Variants in HMCN1 observed in about 807,000 individuals in gnomAD.
The protein encoded by HMCN1 is hemicentin-1.
Under a neutral mutation model 625.9 loss-of-function variants are expected in HMCN1, and 321 were observed. That is an observed-to-expected ratio of 0.51 (90% CI 0.47 to 0.56). HMCN1 has a LOEUF of 0.56. Among genes scored for constraint, HMCN1 ranks in the 20% least tolerant of loss-of-function variants. The pLI is 0.00. For synonymous variants in HMCN1, 2,425 were observed against 2,417.6 expected (o/e 1.00, Z -0.09); for missense variants, 6,588 against 6,887.3 (o/e 0.96, Z 1.54).
chr1:185,894,982 C>G (rs891212132), intron 4 of HMCN1, among the ~76,000 whole-genome samples: 2 of 151,856 alleles, frequency 1.3e-5, no homozygotes, highest in African/African-American at 4.9e-5. Context: ...TATTTAGTCT[C>G]TAGAGTTATC....
chr1:185,749,955 A>T (rs1338456379), intron 1 of HMCN1, among the ~76,000 whole-genome samples: 1 of 152,162 alleles, frequency 6.6e-6, no homozygotes, highest in East Asian at 1.9e-4. Flanking sequence ...ACATCATTTC[A>T]TATGGCTCTT....
At chr1:185,951,257 G>A (rs370579905) in intron 11 of HMCN1, among the ~76,000 whole-genome samples, 4,824 of 131,446 alleles carry the variant, frequency 0.037, 97 homozygotes, top group African/African-American at 0.13. Context: ...ATTTAGTTAA[G>A]GTGTCTCAGC....
chr1:185,755,628 C>A (rs2102106209), intron 1 of HMCN1, among the ~76,000 whole-genome samples: 1 of 152,276 alleles, frequency 6.6e-6, no homozygotes, highest in Middle Eastern at 3.4e-3. Flanking sequence ...AGTATCACTC[C>A]ATCAGCTAAC....
chr1:186,024,350 A>T (rs1393173101), intron 36 of HMCN1, among the ~76,000 whole-genome samples: 1 of 152,164 alleles, frequency 6.6e-6, no homozygotes, highest in African/African-American at 2.4e-5. Flanking sequence ...TGTCTCCAGC[A>T]TCTGCTTAGA....
Position 185,928,661 on chromosome 1 carries a change from G to A in HMCN1, c.1546G>A (p.Val516Ile), listed in dbSNP as rs199966462. The change falls in exon 10 of 107, where the codon GTA becomes ATA. Residue 516 changes from valine to isoleucine, a missense_variant. Physicochemically the swap from Val to Ile is conservative, Grantham distance 29. Transcript: ENST00000271588. ...TGGACGGGCACAGACATTTTTTGAC[G>A]TATCAGGTAATTACCACTAATTTCT... ...GTGRAQTFFD[V>I]SEPPPVIQVP... 295 of 1,613,140 alleles carry A rather than the reference G, an allele frequency of 1.8e-4. 1 individual carries two copies. The highest frequency in any genetic ancestry group is 7.4e-4 in the East Asian group (33 of 44,846).
chr1:186,115,490 G>T, intron 75 of HMCN1, 76 bp downstream of exon 75: 1 of 1,357,650 alleles, frequency 7.4e-7, no homozygotes, highest in Non-Finnish European at 1.0e-6. Flanking sequence ...TCTATCAGTG[G>T]GGTCAGCAAA....
rs1008126098 is a variant in HMCN1, at chr1:186,117,135, T to C, written c.11683+20T>C. 1.9e-6 allele frequency: 3 copies of C among 1,612,550 alleles called. No individual in the cohort carries two copies. The highest frequency in any genetic ancestry group is 1.7e-6 in the Non-Finnish European group (2 of 1,179,156). ...TCCAAGGTAGAATTGGCTTGGAACA[T>C]GGATTGAAACATGATAATGCTATCA... On this transcript the variant is annotated intron_variant, in intron 76 of 106. Coordinates refer to ENST00000271588, the MANE Select transcript of HMCN1 (RefSeq NM_031935.3).
chr1:186,036,586 G>A (rs923507090), intron 36 of HMCN1, among the ~76,000 whole-genome samples: 1 of 151,684 alleles, frequency 6.6e-6, no homozygotes, highest in African/African-American at 2.4e-5. Flanking sequence ...ACCCATACAA[G>A]TATTTTTTCT....
chr1:186,117,682 C>G, intron 77 of HMCN1, 59 bp downstream of exon 77: 1 of 1,477,366 alleles, frequency 6.8e-7, no homozygotes, highest in Non-Finnish European at 9.5e-7. Context: ...GATGCATATT[C>G]TTACCTGGCC....
rs191297963 is a variant in HMCN1, at chr1:185,811,008, C to T, written c.269-35018C>T. 3.3e-5 allele frequency among the ~76,000 whole-genome samples: 5 copies of T among 152,234 alleles called. No individual in the cohort carries two copies. The East Asian group carries it at 9.7e-4, about 29-fold the overall frequency. On this transcript the variant is annotated intron_variant, in intron 1 of 106. Transcript: ENST00000271588. ...AAAAAACAAACCCATCCCACACCCC[C>T]AATCTCTCAAACAAGTTAAGTTTGC...
chr1:186,146,133 A>C (rs1650304455), intron 93 of HMCN1, among the ~76,000 whole-genome samples: 1 of 152,068 alleles, frequency 6.6e-6, no homozygotes, highest in Non-Finnish European at 1.5e-5. Flanking sequence ...TTCCTGGTAA[A>C]AGGATATAGT....
rs146365142 is a variant in HMCN1 at position 186,015,175 on chromosome 1, A to G, written c.4647A>G (p.Lys1549=). ...CCTTTGTAGTTCCACCTAGTATTAA[A>G]GGAGGAAATGTCACCACAGACATAT... The part of the protein sequence containing the change: ...KLTIYIPPSI[K]GGNVTTDISV... Residue 1549 remains lysine (K), a synonymous_variant, in exon 31 of 107, where the codon AAA becomes AAG. Transcript: ENST00000271588. 8.1e-6 allele frequency: 13 copies of G among 1,613,454 alleles called. No individual in the cohort carries two copies. The highest frequency in any genetic ancestry group is 1.1e-5 in the Non-Finnish European group (13 of 1,179,604).
In HMCN1 at chr1:186,117,592, C is replaced by T; in HGVS notation, c.11817C>T (p.Pro3939=). ...HWTKNGIRLL[P]RGDGYRILSS... is the part of the protein sequence containing the mutation. ...CCAAAAATGGTATAAGACTGCTTCCCAGGGGAGATGGCTATAGAATTCTGT... is the reference window on the plus strand; with the variant it reads ...CCAAAAATGGTATAAGACTGCTTCCTAGGGGAGATGGCTATAGAATTCTGT... Residue 3939 remains proline, a synonymous_variant, in exon 77 of 107, where the codon CCC becomes CCT. Coordinates refer to ENST00000271588, the MANE Select transcript of HMCN1 (RefSeq NM_031935.3). The T allele has an allele frequency of 6.2e-7, 1 of 1,613,794 alleles. No homozygotes were observed. The highest frequency in any genetic ancestry group is 8.5e-7 in the Non-Finnish European group (1 of 1,179,802).
chr1:185,776,329 C>T (rs945790222), intron 1 of HMCN1, among the ~76,000 whole-genome samples: 18 of 152,022 alleles, frequency 1.2e-4, no homozygotes, highest in Non-Finnish European at 2.4e-4. Context: ...GCTATCTTCA[C>T]TCCTTGCGTG....
intron 22 of HMCN1, among the ~76,000 whole-genome samples, chr1:185,992,724 T>C (rs1283897924): frequency 6.6e-6 from 1 of 152,162 alleles, no homozygotes; most frequent in Non-Finnish European, 1.5e-5. Flanking sequence ...TAAAACTATT[T>C]TAACACAATG....
rs1342658968 is a variant in HMCN1 at position 186,061,905 on chromosome 1, C to T, written c.7367C>T (p.Thr2456Ile). 6.2e-7 allele frequency: 1 copy of T among 1,613,086 alleles called. No individual in the cohort carries two copies. The highest frequency in any genetic ancestry group is 8.5e-7 in the Non-Finnish European group (1 of 1,179,302). Residue 2456 changes from threonine (T) to isoleucine (I), a missense_variant, in exon 47 of 107, where the codon ACT becomes ATT. Physicochemically the swap from Thr to Ile is moderately conservative, Grantham distance 89. Around this residue, in one of 3 missense-constraint regions of HMCN1, gnomAD observed 4,628 missense variants for 4,853.1 expected, o/e 0.95. Transcript: ENST00000271588. ...ACAATGGAAGATGCTGGCCAATATA[C>T]TTGCGTTGTAAGGAATGCAGCTGGT... is the stretch of plus-strand genomic sequence containing the variant. The part of the protein sequence containing the change: ...QTTMEDAGQY[T>I]CVVRNAAGEE...
In HMCN1 at chr1:185,970,398, T is replaced by G. The variant is rs1005373074; in HGVS notation, c.2276T>G (p.Ile759Ser). The stretch of plus-strand genomic sequence containing the variant: ...GACCCTCTCTTGGGACTTTTGAAGA[T>G]TCAAGAAACACAAGATCTGGATGCT... The part of the protein sequence containing the change: ...IIDPLLGLLK[I>S]QETQDLDAGD... The change falls in exon 15 of 107, where the codon ATT becomes AGT. Residue 759 changes from isoleucine (I) to serine (S), a missense_variant. Coordinates refer to ENST00000271588, the MANE Select transcript of HMCN1 (RefSeq NM_031935.3). 6.2e-6 allele frequency: 10 copies of G among 1,613,616 alleles called. No homozygotes were observed. In the Admixed American group the frequency reaches 1.7e-4, roughly 27 times the overall value.
intron 4 of HMCN1, among the ~76,000 whole-genome samples, chr1:185,871,300 T>A (rs2102370835): frequency 6.6e-6 from 1 of 150,694 alleles, no homozygotes; most frequent in Admixed American, 6.6e-5. Context: ...AAAATGAAGC[T>A]GGAGGGGTAA....
At chr1:185,908,573 T>G (rs1214565228) in intron 4 of HMCN1, among the ~76,000 whole-genome samples, 2 of 152,014 alleles carry the variant, frequency 1.3e-5, no homozygotes, top group African/African-American at 4.8e-5. Context: ...GCAGAAACTT[T>G]CTATGGATTC....
Sources: allele counts gnomAD v4.1 joint callset (sites outside exome capture counted in the v4.1 genomes callset), GRCh38; gene constraint gnomAD v4.1.1; regional missense constraint gnomAD v4.1.1; transcripts MANE v1.5; gene names NCBI Gene and HGNC (gene_info 2026-07-23, HGNC 2026-07-21).